DLG1: variants seen among roughly 807,000 people sequenced by gnomAD.
DLG1 encodes discs large MAGUK scaffold protein 1.
A neutral mutation model predicts 123.4 loss-of-function variants in DLG1; 42 were observed. The ratio of observed to expected loss-of-function variants is 0.34; its 90% confidence interval spans 0.27 to 0.44. DLG1 has a LOEUF of 0.44. Ranked by LOEUF, DLG1 falls within the 20% of genes least tolerant of loss-of-function variation. The pLI, the probability that DLG1 is intolerant of heterozygous loss-of-function variation, is 1.00. For synonymous variants in DLG1, 317 were observed against 356.2 expected (o/e 0.89, Z 1.24); for missense variants, 942 against 1,082.6 (o/e 0.87, Z 1.82).
chr3:197,056,503 A>G (rs1731778226), intron 23 of DLG1, among the ~76,000 whole-genome samples: 1 of 152,188 alleles, frequency 6.6e-6, no homozygotes, highest in Non-Finnish European at 1.5e-5. Context: ...TTTGTATAAA[A>G]TTGACATAGC....
chr3:197,085,925 A>G (rs951099179), intron 15 of DLG1, among the ~76,000 whole-genome samples, 169 bp from the exon 16 acceptor site: 3 of 151,056 alleles, frequency 2.0e-5, no homozygotes, highest in African/African-American at 7.3e-5. Flanking sequence ...AAGAAATAGC[A>G]AAATCAACTT....
rs1051594017 is a variant in DLG1 at position 197,227,219 on chromosome 3, C to T, written c.319-32630G>A. Among the ~76,000 whole-genome samples the T allele has an allele frequency of 4.6e-5, 7 of 152,198 alleles. 1 individual carries two copies. In the East Asian group the frequency reaches 1.4e-3, roughly 29 times the overall value. On this transcript the variant is annotated intron_variant, in intron 4 of 24. Transcript: ENST00000667157. ...CAACTTTTACAAAACTGCCTGTAAT[C>T]CCAGCACTTCAGGTGGCCGAGGTGG...
intron 24 of DLG1, among the ~76,000 whole-genome samples, chr3:197,047,223 G>GT (rs1369486366): frequency 4.6e-5 from 7 of 152,058 alleles, no homozygotes; most frequent in Admixed American, 2.0e-4. Context: ...GAATATCCCT[G>GT]TTTTTTAGAA....
intron 4 of DLG1, among the ~76,000 whole-genome samples, chr3:197,221,291 G>A (rs1199886534): frequency 2.6e-5 from 4 of 152,180 alleles, no homozygotes; most frequent in African/African-American, 9.7e-5. Flanking sequence ...AACAAGGCGG[G>A]TGGATCACCT....
chr3:197,183,747 G>A (rs1714021119), intron 5 of DLG1: 1 of 1,550,516 alleles, frequency 6.4e-7, no homozygotes, highest in Non-Finnish European at 8.7e-7. Context: ...GCTAGAGCTA[G>A]TATTGCCTCC....
In DLG1 at chr3:197,051,470, C is replaced by T; in HGVS notation, c.2575+107G>A. On this transcript the variant is annotated intron_variant, in intron 24 of 24. Transcript: ENST00000667157. ...TGCCTAGGCTGGATGATACTAGTTA[C>T]TACGGGTAGATGTAGGCATAGTTCA... The T allele has an allele frequency of 6.1e-6, 5 of 818,624 alleles. No homozygotes were observed. The South Asian group carries it at 6.3e-5, about 10-fold the overall frequency. The allele number at this position is 818,624 out of a possible 1,614,324, so 50.7% of individuals were successfully genotyped here.
intron 5 of DLG1, among the ~76,000 whole-genome samples, chr3:197,165,363 A>T (rs1460089531): frequency 6.6e-6 from 1 of 152,222 alleles, no homozygotes; most frequent in Non-Finnish European, 1.5e-5. Context: ...TTTTTAAAGC[A>T]TTGGATTTTG....
At chr3:197,265,769 C>T (rs1761421013) in intron 4 of DLG1, among the ~76,000 whole-genome samples, 1 of 152,118 alleles carries the variant, frequency 6.6e-6, no homozygotes, top group Admixed American at 6.5e-5. Context: ...AGCTTAAAAG[C>T]AGCCAGGCGC....
At chr3:197,188,449 CTGTT>C (rs1471834183) in intron 5 of DLG1, among the ~76,000 whole-genome samples, 15 of 152,168 alleles carry the variant, frequency 9.9e-5, no homozygotes, top group Admixed American at 3.3e-4. Context: ...TGTTTAATAA[CTGTT>C]TGCTAAATGC....
At chr3:197,115,141 GA>G (rs1179612947) in intron 13 of DLG1, among the ~76,000 whole-genome samples, 2 of 151,742 alleles carry the variant, frequency 1.3e-5, no homozygotes, top group Non-Finnish European at 2.9e-5. Flanking sequence ...AAAATTGTAT[GA>G]CCTGTGGATT....
At chr3:197,179,617 C>A (rs543164404) in intron 5 of DLG1, among the ~76,000 whole-genome samples, 8 of 152,210 alleles carry the variant, frequency 5.3e-5, no homozygotes, top group African/African-American at 1.9e-4. Context: ...AATAAGCTAA[C>A]AGGGGCACCT....
chr3:197,147,876 T>TAA (rs5855567), intron 6 of DLG1, among the ~76,000 whole-genome samples: 2,324 of 143,086 alleles, frequency 0.016, 25 homozygotes, highest in African/African-American at 0.022. Flanking sequence ...CCTTTAAAAT[T>TAA]AAAAAAAAAA....
chr3:197,265,117 C>T (rs1287514165), intron 4 of DLG1, among the ~76,000 whole-genome samples: 2 of 152,198 alleles, frequency 1.3e-5, no homozygotes, highest in African/African-American at 4.8e-5. Context: ...GAGTAAGGTA[C>T]ATTTCAAGCC....
chr3:197,209,088 A>C (rs1249332670), intron 4 of DLG1, among the ~76,000 whole-genome samples: 1 of 146,320 alleles, frequency 6.8e-6, no homozygotes, highest in East Asian at 2.0e-4. Flanking sequence ...ATTAAAACAA[A>C]TATGACTTGG....
chr3:197,251,904 G>A (rs1287018521), intron 4 of DLG1, among the ~76,000 whole-genome samples: 1 of 152,200 alleles, frequency 6.6e-6, no homozygotes, highest in Admixed American at 6.5e-5. Context: ...TAGACCTGTC[G>A]AGTGTGGGAA....
At chr3:197,259,051 GAGAT>G (rs1157766035) in intron 4 of DLG1, among the ~76,000 whole-genome samples, 2 of 152,094 alleles carry the variant, frequency 1.3e-5, no homozygotes, top group Non-Finnish European at 2.9e-5. Flanking sequence ...GCAGAGAGAG[GAGAT>G]AGATCATTTC....
At chr3:197,064,181 C>T (rs968680148) in intron 22 of DLG1, among the ~76,000 whole-genome samples, 3 of 150,714 alleles carry the variant, frequency 2.0e-5, no homozygotes, top group Non-Finnish European at 4.4e-5. Context: ...CAGCCTTCCA[C>T]TGTGCCTGGC....
chr3:197,055,958 T>G (rs900003345), intron 23 of DLG1, among the ~76,000 whole-genome samples: 3 of 152,170 alleles, frequency 2.0e-5, no homozygotes, highest in African/African-American at 7.2e-5. Context: ...AGAATCCTTA[T>G]TGTCCACACT....
At chr3:197,078,853 T>C (rs929620525) in intron 17 of DLG1, among the ~76,000 whole-genome samples, 1 of 152,202 alleles carries the variant, frequency 6.6e-6, no homozygotes, top group South Asian at 2.1e-4. Flanking sequence ...ACTGCATCTA[T>C]AGTGGTCAGA....
Sources: gnomAD v4.1 joint callset for allele counts (sites outside exome capture counted in the v4.1 genomes callset) on GRCh38, gnomAD v4.1.1 for gene constraint, MANE v1.5 for transcripts, NCBI Gene and HGNC (gene_info 2026-07-23, HGNC 2026-07-21) for gene names.